Variants in PTPRN2 observed in about 807,000 individuals in gnomAD.
PTPRN2 encodes the protein protein tyrosine phosphatase receptor type N2.
Under a neutral mutation model 118.8 loss-of-function variants are expected in PTPRN2, and 74 were observed. The observed-to-expected ratio is 0.62, with a 90% CI of 0.52 to 0.76. The LOEUF (loss-of-function observed/expected upper bound fraction) is 0.76. Ranked by LOEUF, PTPRN2 falls within the 30% of genes least tolerant of loss-of-function variation. The probability of loss-of-function intolerance (pLI) is 0.00; values close to 1 mark genes in which losing one functional copy is unlikely to be tolerated. For synonymous variants in PTPRN2, 641 were observed against 608.0 expected (o/e 1.05, Z -0.80); for missense variants, 1,481 against 1,394.4 (o/e 1.06, Z -0.99).
intron 9 of PTPRN2, among the ~76,000 whole-genome samples, chr7:158,114,221 G>A (rs1333855913): frequency 1.3e-5 from 2 of 152,132 alleles, no homozygotes; most frequent in Non-Finnish European, 2.9e-5. Flanking sequence ...GTGGGCCAAG[G>A]ACTCACCAGG....
chr7:157,540,680 G>A lies in PTPRN2; in HGVS notation c.*34C>T. The stretch of plus-strand genomic sequence containing the variant: ...CATGATTCCTGACAACATCCGTGGG[G>A]TGGGGGCTCCCCTGAGGCCCCTGAG... On this transcript the variant is annotated 3_prime_UTR_variant, in exon 23 of 23. Coordinates refer to ENST00000389418, the MANE Select transcript of PTPRN2 (RefSeq NM_002847.5). 2 of 1,477,024 alleles carry A rather than the reference G, an allele frequency of 1.4e-6. No homozygotes were observed. The highest frequency in any genetic ancestry group is 9.3e-7 in the Non-Finnish European group (1 of 1,080,350). The allele number at this position is 1,477,024 out of a possible 1,614,324, so 91.5% of individuals were successfully genotyped here.
chr7:158,378,970 T>C (rs992887207), intron 2 of PTPRN2, among the ~76,000 whole-genome samples: 1 of 152,210 alleles, frequency 6.6e-6, no homozygotes, highest in Non-Finnish European at 1.5e-5. Context: ...TTAATAAGTA[T>C]TTATTGACAG....
chr7:158,187,733 G>T (rs1197314862), intron 5 of PTPRN2, among the ~76,000 whole-genome samples: 1 of 152,208 alleles, frequency 6.6e-6, no homozygotes, highest in Non-Finnish European at 1.5e-5. Flanking sequence ...TTTGACAGCT[G>T]TGCTAAATGT....
intron 15 of PTPRN2, 56 bp from the exon 16 acceptor site, chr7:157,604,131 A>ACC (rs1422324129): frequency 6.4e-7 from 1 of 1,552,598 alleles, no homozygotes; most frequent in African/African-American, 1.4e-5. Context: ...GCAGTGTGAG[A>ACC]CCCCCACTTG....
At chr7:157,765,118 A>C (rs1802372449) in intron 12 of PTPRN2, among the ~76,000 whole-genome samples, 5 of 145,786 alleles carry the variant, frequency 3.4e-5, no homozygotes, top group Admixed American at 3.4e-4. Flanking sequence ...TCCCCCATCC[A>C]TCCACTCACT....
intron 3 of PTPRN2, among the ~76,000 whole-genome samples, chr7:158,278,159 T>C (rs898209879): frequency 6.6e-6 from 1 of 152,040 alleles, no homozygotes; most frequent in Non-Finnish European, 1.5e-5. Context: ...GTCTAGAACA[T>C]TCCTAGAGCC....
At chr7:158,511,039 ATTTG>A (rs1823143452) in intron 1 of PTPRN2, among the ~76,000 whole-genome samples, 1 of 152,248 alleles carries the variant, frequency 6.6e-6, no homozygotes, top group African/African-American at 2.4e-5. Flanking sequence ...GGTGATTTGA[ATTTG>A]TTTTTCTCAA....
At chr7:157,557,075 TACAC>T (rs149151757) in intron 21 of PTPRN2, among the ~76,000 whole-genome samples, 27 of 145,016 alleles carry the variant, frequency 1.9e-4, no homozygotes, top group Non-Finnish European at 2.6e-4. Context: ...GTATCATACA[TACAC>T]ACACACACAC....
At chr7:158,159,722 C>T (rs990039999) in intron 6 of PTPRN2, among the ~76,000 whole-genome samples, 2 of 152,160 alleles carry the variant, frequency 1.3e-5, no homozygotes, top group Non-Finnish European at 2.9e-5. Context: ...ATTTCCAAAA[C>T]GCTTTCGCTG....
At chr7:157,799,746 G>A (rs370832245) in intron 12 of PTPRN2, among the ~76,000 whole-genome samples, 3 of 150,208 alleles carry the variant, frequency 2.0e-5, no homozygotes, top group East Asian at 1.9e-4. Context: ...ACGGCATCAC[G>A]AACCACCTCC....
intron 2 of PTPRN2, among the ~76,000 whole-genome samples, chr7:158,377,020 G>A (rs1380767768): frequency 2.3e-5 from 3 of 130,676 alleles, no homozygotes; most frequent in Admixed American, 7.5e-5. Context: ...GTCCTGAGAC[G>A]GGGGTCAGGG....
Position 158,525,186 on chromosome 7 carries a change from C to A in PTPRN2, c.113-35401G>T, listed in dbSNP as rs572798431. Among the ~76,000 whole-genome samples the A allele has an allele frequency of 1.1e-3, 172 of 152,316 alleles. 1 individual carries two copies. Among genetic ancestry groups the A allele is most frequent in the African/African-American group, 4.0e-3 (167 of 41,554 alleles). On this transcript the variant is annotated intron_variant, in intron 1 of 22. Transcript: ENST00000389418. The surrounding 1 kb of genome is among the most constrained non-coding windows in gnomAD (Gnocchi z 4.1). ...AGGCTCTGGAGCCGGCTGCAGAGCA[C>A]AGCGTGAGGCAGGCCCTGACCGCTC...
At chr7:157,931,235 A>C (rs1209510171) in intron 11 of PTPRN2, among the ~76,000 whole-genome samples, 1 of 152,126 alleles carries the variant, frequency 6.6e-6, no homozygotes, top group Non-Finnish European at 1.5e-5. Flanking sequence ...GAGTTAACTA[A>C]TACATTTTCA....
At chr7:157,680,133 T>A (rs921923090) in intron 13 of PTPRN2, among the ~76,000 whole-genome samples, 3 of 152,216 alleles carry the variant, frequency 2.0e-5, no homozygotes, top group Non-Finnish European at 4.4e-5. Flanking sequence ...CCTTGCACAA[T>A]AATCTTTTTA....
At chr7:158,470,232 G>A (rs1183591597) in intron 2 of PTPRN2, among the ~76,000 whole-genome samples, 3 of 152,204 alleles carry the variant, frequency 2.0e-5, no homozygotes, top group Non-Finnish European at 2.9e-5. Flanking sequence ...ATTCTGTTTT[G>A]CAGAAAAACT....
intron 8 of PTPRN2, among the ~76,000 whole-genome samples, chr7:158,135,870 C>A (rs567854944): frequency 6.6e-5 from 10 of 152,224 alleles, no homozygotes; most frequent in African/African-American, 2.4e-4. Context: ...TTCTCCACCC[C>A]CAAAACTGGG....
rs1274353416 is a variant in PTPRN2, at chr7:158,015,061, T to G, written c.1723+66237A>C. ...TCATTTGTCTCTCTTTTTCTTCCCT[T>G]GTATCTTGCAAATCCCTCAGATAAA... On this transcript the variant is annotated intron_variant, in intron 11 of 22. Transcript: ENST00000389418. The surrounding 1 kb of genome is among the most constrained non-coding windows in gnomAD (Gnocchi z 4.2). Among the ~76,000 whole-genome samples, 1 of 152,218 alleles carries G rather than the reference T, an allele frequency of 6.6e-6. No individual in the cohort carries two copies.
intron 6 of PTPRN2, among the ~76,000 whole-genome samples, chr7:158,159,509 A>G (rs530244942): frequency 6.6e-6 from 1 of 152,216 alleles, no homozygotes; most frequent in Admixed American, 6.5e-5. Context: ...TGAATTAGGG[A>G]CTTGTAATTC....
intron 3 of PTPRN2, among the ~76,000 whole-genome samples, chr7:158,310,467 G>A (rs1447796958): frequency 6.6e-6 from 1 of 152,226 alleles, no homozygotes; most frequent in South Asian, 2.1e-4. Context: ...GGCCGAATGC[G>A]TTCATGCTCT....
Sources: allele counts gnomAD v4.1 joint callset (sites outside exome capture counted in the v4.1 genomes callset), GRCh38; gene constraint gnomAD v4.1.1; non-coding constraint Gnocchi (gnomAD v3.1); transcripts MANE v1.5; gene names NCBI Gene and HGNC (gene_info 2026-07-23, HGNC 2026-07-21).